Variants in GSE1 observed in about 807,000 individuals in gnomAD.
GSE1 encodes Gse1 coiled-coil protein.
Under a neutral mutation model 112.6 loss-of-function variants are expected in GSE1, and 32 were observed. The observed-to-expected ratio is 0.28, with a 90% CI of 0.21 to 0.38. The LOEUF is 0.38. Ranked by LOEUF, GSE1 falls within the 10% of genes least tolerant of loss-of-function variation. The pLI is 1.00. For synonymous variants in GSE1, 1,115 were observed against 735.6 expected, an observed-to-expected ratio of 1.52 and a Z score of -8.35; for missense variants, 2,348 against 1,699.2, an observed-to-expected ratio of 1.38 and a Z score of -6.71.
Position 85,671,009 on chromosome 16 carries a change from C to A in GSE1, c.3430C>A (p.Arg1144=). The A allele has an allele frequency of 6.2e-7, 1 of 1,607,556 alleles. No individual in the cohort carries two copies. The highest frequency in any genetic ancestry group is 8.5e-7 in the Non-Finnish European group (1 of 1,174,408). The change falls in exon 15 of 16, where the codon CGG becomes AGG. Residue 1144 remains arginine (R), a synonymous_variant. Transcript: ENST00000253458. ...TGTCTTTTCAGAGCAAAATCTGGAG[C>A]GGCAGGTGTTACAGACACAATGTAG... ...QEHIEEQNLE[R]QVLQTQCRRL... is the part of the protein sequence containing the mutation.
chr16:85,532,992 C>T (rs2044185172), intron 2 of GSE1, among the ~76,000 whole-genome samples: 1 of 152,360 alleles, frequency 6.6e-6, no homozygotes, highest in Non-Finnish European at 1.5e-5. Flanking sequence ...CGCTCCCTAC[C>T]TCCTGTTCTG....
At chr16:85,544,540 C>T (rs1476511639) in intron 2 of GSE1, among the ~76,000 whole-genome samples, 2 of 152,158 alleles carry the variant, frequency 1.3e-5, no homozygotes, top group East Asian at 1.9e-4. Flanking sequence ...AGAGGGCCCT[C>T]GGGCATCCCA....
At chr16:85,324,588 A>G (rs1420533892) in intron 1 of GSE1, among the ~76,000 whole-genome samples, 1 of 152,156 alleles carries the variant, frequency 6.6e-6, no homozygotes, top group African/African-American at 2.4e-5. Context: ...TCACAGCAGC[A>G]TTATTTGTAA....
At chr16:85,554,288 C>T (rs1442748554), upstream of GSE1, among the ~76,000 whole-genome samples, 2 of 152,046 alleles carry the variant, frequency 1.3e-5, no homozygotes, top group Admixed American at 6.6e-5. Flanking sequence ...TCACATGGGG[C>T]CTTCTTGAGC....
intron 2 of GSE1, among the ~76,000 whole-genome samples, chr16:85,385,037 AT>A (rs1455641829): frequency 6.6e-6 from 1 of 152,220 alleles, no homozygotes; most frequent in East Asian, 1.9e-4. Flanking sequence ...ACTTCCCATC[AT>A]AAAAGTCTCA....
At chr16:85,476,554 C>T (rs556103537) in intron 2 of GSE1, among the ~76,000 whole-genome samples, 10 of 152,168 alleles carry the variant, frequency 6.6e-5, no homozygotes, top group Non-Finnish European at 1.2e-4. Flanking sequence ...ATATTCCATC[C>T]GCCTTGTGGC....
At chr16:85,275,388 G>A (rs1262409765) in intron 1 of GSE1, among the ~76,000 whole-genome samples, 1 of 152,218 alleles carries the variant, frequency 6.6e-6, no homozygotes, top group South Asian at 2.1e-4. Flanking sequence ...TGTCGGGAGA[G>A]CATGAGCCAG....
chr16:85,431,885 G>T (rs745824697), intron 2 of GSE1, among the ~76,000 whole-genome samples: 1 of 152,366 alleles, frequency 6.6e-6, no homozygotes, highest in South Asian at 2.1e-4. Flanking sequence ...ATTAGCTAGC[G>T]GTTTGAAAGC....
In GSE1 at chr16:85,383,497, G is replaced by GCACACA. The variant is rs11473067; in HGVS notation, c.2464+25868_2464+25873dup. 4.3e-3 allele frequency among the ~76,000 whole-genome samples: 642 copies of GCACACA among 147,942 alleles called. 7 individuals carry two copies. The highest frequency in any genetic ancestry group is 0.013 in the African/African-American group (501 of 39,946). On this transcript the variant is annotated intron_variant, in intron 2 of 2. Transcript: ENST00000637419. ...TTTGAACATACACGCAGAGCTCCCA[G>GCACACA]CACACACACACACACACACGCACAC...
chr16:85,263,037 A>C (rs973228065), intron 1 of GSE1, among the ~76,000 whole-genome samples: 1 of 152,200 alleles, frequency 6.6e-6, no homozygotes, highest in African/African-American at 2.4e-5. Flanking sequence ...CGGATCCCAC[A>C]GATCGCGGGA....
chr16:85,357,177 T>C (rs1000858075), intron 1 of GSE1, among the ~76,000 whole-genome samples: 1 of 152,156 alleles, frequency 6.6e-6, no homozygotes, highest in Non-Finnish European at 1.5e-5. Context: ...CTCCAGAAGC[T>C]CCAGTTTTGG....
chr16:85,611,522 G>C, upstream of GSE1: 2 of 977,902 alleles, frequency 2.0e-6, no homozygotes, highest in South Asian at 4.7e-5. Context: ...GGGCCGGCCA[G>C]CGTCCGCAGG....
chr16:85,432,770 A>G (rs1472966838), intron 2 of GSE1, among the ~76,000 whole-genome samples: 1 of 152,184 alleles, frequency 6.6e-6, no homozygotes, highest in Non-Finnish European at 1.5e-5. Flanking sequence ...ACAGATAGGA[A>G]AAGCAAGGCT....
At chr16:85,483,649 A>T (rs2050750612) in intron 2 of GSE1, among the ~76,000 whole-genome samples, 5 of 152,240 alleles carry the variant, frequency 3.3e-5, no homozygotes, top group Admixed American at 3.3e-4. Flanking sequence ...GCTGAGACGG[A>T]TGGGCCTCCT....
intron 2 of GSE1, among the ~76,000 whole-genome samples, chr16:85,469,894 CCCTTGGCCCGT>C (rs1314122468): frequency 6.6e-6 from 1 of 152,240 alleles, no homozygotes; most frequent in African/African-American, 2.4e-5. Flanking sequence ...GGAGCCAGGG[CCCTTGGCCCGT>C]CAGAGTCCCC....
At chr16:85,568,081 G>A (rs1209587574) in intron 1 of GSE1, among the ~76,000 whole-genome samples, 2 of 152,192 alleles carry the variant, frequency 1.3e-5, no homozygotes, top group African/African-American at 2.4e-5. Flanking sequence ...TGGGGTTTGG[G>A]AGATGCAATT....
intron 2 of GSE1, among the ~76,000 whole-genome samples, chr16:85,462,810 G>T (rs1467800865): frequency 6.9e-6 from 1 of 145,516 alleles, no homozygotes; most frequent in Non-Finnish European, 1.5e-5. Context: ...CCGGGGGCGC[G>T]GGGCCGGGGG....
chr16:85,379,536 G>T (rs1292936901), intron 2 of GSE1, among the ~76,000 whole-genome samples: 1 of 152,222 alleles, frequency 6.6e-6, no homozygotes, highest in Non-Finnish European at 1.5e-5. Flanking sequence ...ACCCCGTGGT[G>T]AGCACAGCTC....
chr16:85,318,238 G>T (rs1389345253), intron 1 of GSE1, among the ~76,000 whole-genome samples: 1 of 152,158 alleles, frequency 6.6e-6, no homozygotes, highest in African/African-American at 2.4e-5. Flanking sequence ...TGAGTAACTC[G>T]GTCACTCTGA....
Sources: gnomAD v4.1 joint callset for allele counts (sites outside exome capture counted in the v4.1 genomes callset) on GRCh38, gnomAD v4.1.1 for gene constraint, MANE v1.5 for transcripts, NCBI Gene and HGNC (gene_info 2026-07-23, HGNC 2026-07-21) for gene names.